TMEM132D: variants seen among roughly 807,000 people sequenced by gnomAD.
TMEM132D encodes the protein transmembrane protein 132D.
Under a neutral mutation model 62.3 loss-of-function variants are expected in TMEM132D, and 21 were observed. That is an observed-to-expected ratio of 0.34 (90% confidence interval 0.24 to 0.49). The LOEUF (loss-of-function observed/expected upper bound fraction) is 0.49. Among genes scored for constraint, TMEM132D ranks in the 20% least tolerant of loss-of-function variants. TMEM132D has a pLI of 0.99. For synonymous variants in TMEM132D, 621 were observed against 575.6 expected (o/e 1.08, Z -1.13); for missense variants, 1,346 against 1,402.8 (o/e 0.96, Z 0.65).
chr12:129,268,660 A>G (rs1880763511), intron 4 of TMEM132D, among the ~76,000 whole-genome samples: 1 of 152,098 alleles, frequency 6.6e-6, no homozygotes, highest in African/African-American at 2.4e-5. Context: ...CAGACATCCC[A>G]TTACTGGGTA....
At chr12:129,814,345 C>T (rs911461046) in intron 1 of TMEM132D, among the ~76,000 whole-genome samples, 2 of 152,110 alleles carry the variant, frequency 1.3e-5, no homozygotes, top group Non-Finnish European at 2.9e-5. Flanking sequence ...TGCGGTGGCT[C>T]ACGCCTGTCA....
At chr12:129,410,971 G>T (rs1365908260) in intron 3 of TMEM132D, among the ~76,000 whole-genome samples, 2 of 142,734 alleles carry the variant, frequency 1.4e-5, no homozygotes, top group African/African-American at 5.1e-5. Context: ...ATTTTTTTAA[G>T]TTTATGATGA....
intron 2 of TMEM132D, among the ~76,000 whole-genome samples, chr12:129,632,521 C>T (rs1264658986): frequency 6.6e-6 from 1 of 152,146 alleles, no homozygotes; most frequent in African/African-American, 2.4e-5. Flanking sequence ...GATCCGACCT[C>T]CCCATTCATT....
intron 4 of TMEM132D, among the ~76,000 whole-genome samples, chr12:129,246,323 C>T (rs35077675): frequency 0.23 from 34,564 of 152,076 alleles, 4,090 homozygotes; most frequent in Non-Finnish European, 0.26. Flanking sequence ...GGCGGAATGA[C>T]GCATGCTGGC....
intron 5 of TMEM132D, among the ~76,000 whole-genome samples, chr12:129,192,409 C>T (rs936320868): frequency 6.6e-6 from 1 of 152,182 alleles, no homozygotes; most frequent in Non-Finnish European, 1.5e-5. Flanking sequence ...TTATGTGATA[C>T]TTGTTTTTCC....
rs1010691115 is a variant in TMEM132D, at chr12:129,903,602, G to A, written c.-263C>T. 14 of 506,074 alleles carry A rather than the reference G, an allele frequency of 2.8e-5. No individual in the cohort carries two copies. In the African/African-American group the frequency reaches 2.8e-4, roughly 10 times the overall value. 31.3% of individuals were successfully genotyped at this position (506,074 alleles called of 1,614,324 possible). On this transcript the variant is annotated 5_prime_UTR_variant, in exon 1 of 9. Coordinates refer to ENST00000422113, the MANE Select transcript of TMEM132D (RefSeq NM_133448.3). This position sits in a 1 kb window ranked among gnomAD's most constrained non-coding sequence, Gnocchi z 6.2. ...CCACCTCCCTCCTTCGACCCCAACA[G>A]AATTTTTTTTAAATTTTAATCCACA...
chr12:129,487,031 T>TGGAGG (rs771790075), intron 3 of TMEM132D, among the ~76,000 whole-genome samples: 1 of 70,490 alleles, frequency 1.4e-5, no homozygotes, highest in Non-Finnish European at 3.3e-5. Flanking sequence ...TGTTTGCGTA[T>TGGAGG]GGGGGGGGGG....
At chr12:129,852,223 T>C (rs1566008594) in intron 1 of TMEM132D, 2 of 152,200 alleles carry the variant, frequency 1.3e-5, no homozygotes, top group African/African-American at 2.4e-5. Flanking sequence ...TTTTATTTGC[T>C]GAGTGTATAT....
At chr12:129,594,684 T>G (rs1344528983) in intron 2 of TMEM132D, among the ~76,000 whole-genome samples, 1 of 152,224 alleles carries the variant, frequency 6.6e-6, no homozygotes, top group Non-Finnish European at 1.5e-5. Context: ...TCTCTCTCAG[T>G]ACTGGGCACT....
chr12:129,866,275 G>A (rs570008247), intron 1 of TMEM132D, among the ~76,000 whole-genome samples: 69 of 152,216 alleles, frequency 4.5e-4, no homozygotes, highest in Non-Finnish European at 8.1e-4. Flanking sequence ...AAAAAATGAT[G>A]AGTTCATGTC....
intron 5 of TMEM132D, among the ~76,000 whole-genome samples, chr12:129,151,987 C>G (rs1159848849): frequency 6.6e-6 from 1 of 151,212 alleles, no homozygotes; most frequent in Non-Finnish European, 1.5e-5. Flanking sequence ...AAACGATTCT[C>G]CTGCCTCAGC....
rs143256999 is a variant in TMEM132D at position 129,621,581 on chromosome 12, T to A, written c.968+78229A>T. The stretch of plus-strand genomic sequence containing the variant: ...ACATTCTCTCCCCACTCCTCTGCCT[T>A]GGTGTCCAAATAAAGTGAGTGAATG... On this transcript the variant is annotated intron_variant, in intron 2 of 8. Transcript: ENST00000422113. Among the ~76,000 whole-genome samples, 9 of 152,258 alleles carry A rather than the reference T, an allele frequency of 5.9e-5. No homozygotes were observed. The East Asian group carries it at 1.7e-3, about 29-fold the overall frequency.
intron 1 of TMEM132D, among the ~76,000 whole-genome samples, chr12:129,761,640 T>TC (rs914007522): frequency 6.6e-6 from 1 of 152,096 alleles, no homozygotes; most frequent in African/African-American, 2.4e-5. Context: ...TGGCCACAGC[T>TC]CCCCTCCCTT....
chr12:129,100,895 G>A (rs1168263334), intron 5 of TMEM132D, among the ~76,000 whole-genome samples: 5 of 152,232 alleles, frequency 3.3e-5, no homozygotes, highest in Non-Finnish European at 5.9e-5. Context: ...GGGAGGCACT[G>A]AGGAAAGGAC....
chr12:129,300,391 G>C (rs187430337), intron 4 of TMEM132D, among the ~76,000 whole-genome samples: 1 of 152,240 alleles, frequency 6.6e-6, no homozygotes, highest in South Asian at 2.1e-4. Flanking sequence ...GACTTGGGAT[G>C]AAGAAATGTG....
chr12:129,422,151 T>C (rs1027062294), intron 3 of TMEM132D, among the ~76,000 whole-genome samples: 2 of 150,432 alleles, frequency 1.3e-5, no homozygotes, highest in African/African-American at 4.9e-5. Context: ...GACACTAATG[T>C]TAATATTTAA....
intron 1 of TMEM132D, among the ~76,000 whole-genome samples, chr12:129,778,564 T>A (rs960331702): frequency 1.3e-5 from 2 of 152,208 alleles, no homozygotes; most frequent in Non-Finnish European, 2.9e-5. Flanking sequence ...ATCCTGAGCA[T>A]TGAAGACACT....
chr12:129,301,077 T>TA (rs1249221377), intron 4 of TMEM132D, among the ~76,000 whole-genome samples: 1 of 152,166 alleles, frequency 6.6e-6, no homozygotes, highest in Admixed American at 6.5e-5. Flanking sequence ...AGTCAACACT[T>TA]ACACGTTCCA....
chr12:129,096,291 C>A (rs1875113624), intron 5 of TMEM132D, among the ~76,000 whole-genome samples: 1 of 152,124 alleles, frequency 6.6e-6, no homozygotes, highest in African/African-American at 2.4e-5. Context: ...CGTCATATGC[C>A]TCACATGCCA....
Sources: gnomAD v4.1 joint callset for allele counts (sites outside exome capture counted in the v4.1 genomes callset) on GRCh38, gnomAD v4.1.1 for gene constraint, Gnocchi (gnomAD v3.1) non-coding constraint, MANE v1.5 for transcripts, NCBI Gene and HGNC (gene_info 2026-07-23, HGNC 2026-07-21) for gene names.